Variants in VWF observed in about 807,000 individuals in gnomAD.
VWF encodes von Willebrand factor, also known as Factor VIII related antigen.
In VWF, 176 loss-of-function variants were observed where a neutral mutation model predicts 308.6. That is an observed-to-expected ratio of 0.57 (90% confidence interval 0.50 to 0.65). VWF has a LOEUF of 0.65. Among genes scored for constraint, VWF ranks in the 30% least tolerant of loss-of-function variants. VWF has a pLI of 0.00. For missense variants in VWF, 3,146 were observed against 3,648.2 expected, an observed-to-expected ratio of 0.86 and a Z score of 3.55; for synonymous variants, 1,385 against 1,443.4, an observed-to-expected ratio of 0.96 and a Z score of 0.92.
intron 31 of VWF, among the ~76,000 whole-genome samples, chr12:6,015,761 G>A (rs1591860131): frequency 6.6e-6 from 1 of 152,176 alleles, no homozygotes; most frequent in East Asian, 1.9e-4. Context: ...CCTCAGACAT[G>A]ACATTTTAGT....
At chr12:5,968,702 G>C (rs1039415143) in intron 45 of VWF, among the ~76,000 whole-genome samples, 1 of 152,290 alleles carries the variant, frequency 6.6e-6, no homozygotes. Context: ...GGCTGAGGCA[G>C]GAAAAGTGCT....
Position 5,969,350 on chromosome 12 carries a change from G to C in VWF, c.7590C>G (p.Ile2530Met), listed in dbSNP as rs369878547. 9 of 1,614,246 alleles carry C rather than the reference G, an allele frequency of 5.6e-6. No homozygotes were observed. In the African/African-American group the frequency reaches 1.1e-4, roughly 19 times the overall value. ...QWASPENPCL[I>M]NECVRVKEEV... ...CCTCCTTCACTCGGACACACTCATT[G>C]ATGAGGCAGGGGTTCTCCGGGGAGG... Residue 2530 changes from isoleucine to methionine, a missense_variant, in exon 45 of 52, where the codon ATC becomes ATG. By Grantham distance (10) the Ile-to-Met change is conservative. This residue lies in a region of VWF where 989 missense variants were observed against 1,117.4 expected (regional missense o/e 0.89). Coordinates refer to ENST00000261405, the MANE Select transcript of VWF (RefSeq NM_000552.5).
At chr12:6,081,334 T>C (rs1944907902) in intron 6 of VWF, among the ~76,000 whole-genome samples, 1 of 151,084 alleles carries the variant, frequency 6.6e-6, no homozygotes, top group Non-Finnish European at 1.5e-5. Flanking sequence ...CCAGTGGTGT[T>C]TTTTGTTTTG....
intron 29 of VWF, 47 bp downstream of exon 29, chr12:6,016,707 A>G (rs1364068982): frequency 1.9e-6 from 3 of 1,614,262 alleles, no homozygotes; most frequent in Non-Finnish European, 2.5e-6. Flanking sequence ...AGAGCCACAA[A>G]AAGAGCCTCT....
At chr12:5,960,742 A>C (rs1943304753) in intron 47 of VWF, among the ~76,000 whole-genome samples, 1 of 152,244 alleles carries the variant, frequency 6.6e-6, no homozygotes, top group Non-Finnish European at 1.5e-5. Context: ...CCATATGGTC[A>C]TCTTAAAATA....
chr12:6,003,814 C>CT (rs34433330), intron 34 of VWF, among the ~76,000 whole-genome samples: 19,686 of 122,644 alleles, frequency 0.16, 2,353 homozygotes, highest in African/African-American at 0.26. Context: ...CTTTCTCTCT[C>CT]TTTTTTTTTT....
At chr12:5,979,504 C>A (rs967581820) in intron 42 of VWF, among the ~76,000 whole-genome samples, 2 of 152,228 alleles carry the variant, frequency 1.3e-5, no homozygotes, top group African/African-American at 4.8e-5. Context: ...GTAATCCCAG[C>A]ACTTTGGGAG....
chr12:6,012,465 T>G lies in VWF; in HGVS notation c.5621-335A>C, dbSNP rs1403353519. 2.6e-5 allele frequency among the ~76,000 whole-genome samples: 4 copies of G among 152,254 alleles called. No individual in the cohort carries two copies. In the East Asian group the frequency reaches 7.7e-4, roughly 29 times the overall value. On this transcript the variant is annotated intron_variant, in intron 32 of 51. Transcript: ENST00000261405. The stretch of plus-strand genomic sequence containing the variant: ...GAGATGAAGCAAGATCCTGGAAACC[T>G]GAAAGAGATCTACTTGAAGATTCCT...
intron 6 of VWF, among the ~76,000 whole-genome samples, chr12:6,095,103 T>A (rs1216373392): frequency 6.6e-6 from 1 of 152,004 alleles, no homozygotes; most frequent in East Asian, 1.9e-4. Context: ...CGGCTTCAGG[T>A]CACAGCAAGA....
At chr12:6,080,353 C>G (rs1944896517) in intron 6 of VWF, among the ~76,000 whole-genome samples, 1 of 152,244 alleles carries the variant, frequency 6.6e-6, no homozygotes, top group South Asian at 2.1e-4. Flanking sequence ...TTCAATCTAC[C>G]TGAACCGGGT....
chr12:6,019,675 G>A lies in VWF; in HGVS notation c.3743C>T (p.Thr1248Ile). The A allele has an allele frequency of 3.1e-6, 5 of 1,613,786 alleles. No homozygotes were observed. The highest frequency in any genetic ancestry group is 1.1e-5 in the South Asian group (1 of 91,064). The change falls in exon 28 of 52, where the codon ACA becomes ATA. Residue 1248 changes from threonine (T) to isoleucine (I), a missense_variant. By Grantham distance (89) the Thr-to-Ile change is moderately conservative (BLOSUM62 -1). This residue lies in a region of VWF where 853 missense variants were observed against 1,177.8 expected (regional missense o/e 0.72). Transcript: ENST00000261405. This position sits in a 1 kb window ranked among gnomAD's most constrained non-coding sequence, Gnocchi z 5.8. Reference protein sequence around the residue: ...QEPGGLVVPPTDAPVSPTTLY... With the variant: ...QEPGGLVVPPIDAPVSPTTLY... ...AGTGGTGGGGCTCACCGGGGCATCT[G>A]TGGGAGGCACCACCAGGCCTCCCGG...
In VWF at chr12:5,991,854, T is replaced by C. The variant is rs780997211; in HGVS notation, c.6763A>G (p.Thr2255Ala). 6.2e-7 allele frequency: 1 copy of C among 1,614,204 alleles called. No individual in the cohort carries two copies. ...ACTCCATCCTCACCAATGCACTGAG[T>C]GCAGGCCTCTTCAGGGACACAGCTG... Reference protein sequence around the residue: ...EGSCVPEEACTQCIGEDGVQH... With the variant: ...EGSCVPEEACAQCIGEDGVQH... Residue 2255 changes from threonine to alanine, a missense_variant, in exon 38 of 52, where the codon ACT becomes GCT. Physicochemically the swap from Thr to Ala is moderately conservative, Grantham distance 58. Coordinates refer to ENST00000261405, the MANE Select transcript of VWF (RefSeq NM_000552.5).
At chr12:6,099,402 C>G (rs1945138129) in intron 5 of VWF, among the ~76,000 whole-genome samples, 1 of 151,740 alleles carries the variant, frequency 6.6e-6, no homozygotes, top group Non-Finnish European at 1.5e-5. Context: ...AAAAACGTCT[C>G]CCTCAATATC....
chr12:5,964,857 A>C (rs537515280), intron 47 of VWF, among the ~76,000 whole-genome samples: 1 of 152,310 alleles, frequency 6.6e-6, no homozygotes, highest in Admixed American at 6.5e-5. Flanking sequence ...GAAAAGGGAA[A>C]GGAGGCAGAA....
At chr12:5,970,691 G>A (rs1224518598) in intron 44 of VWF, among the ~76,000 whole-genome samples, 1 of 152,206 alleles carries the variant, frequency 6.6e-6, no homozygotes, top group Non-Finnish European at 1.5e-5. Flanking sequence ...GGAGGAGAAA[G>A]GCAATGGGCC....
At chr12:6,094,726 T>C (rs554765322) in intron 6 of VWF, among the ~76,000 whole-genome samples, 2 of 151,996 alleles carry the variant, frequency 1.3e-5, no homozygotes, top group African/African-American at 2.4e-5. Context: ...TCTTTTTTTT[T>C]AATTGAGACA....
At chr12:6,109,156 G>T (rs868317624) in intron 5 of VWF, among the ~76,000 whole-genome samples, 1 of 151,820 alleles carries the variant, frequency 6.6e-6, no homozygotes, top group African/African-American at 2.4e-5. Context: ...GAGGCAAGAG[G>T]ATTCCTTGAG....
At chr12:6,067,992 G>A (rs1255172846) in intron 10 of VWF, among the ~76,000 whole-genome samples, 11 of 151,816 alleles carry the variant, frequency 7.2e-5, no homozygotes, top group Admixed American at 2.0e-4. Context: ...AAAATTAGCC[G>A]GGTGTGGTGG....
chr12:5,960,828 T>C (rs1591831701), intron 47 of VWF, among the ~76,000 whole-genome samples: 1 of 152,334 alleles, frequency 6.6e-6, no homozygotes, highest in South Asian at 2.1e-4. Flanking sequence ...AGATGAGAAC[T>C]TCTTCAATAT....
Sources: allele counts gnomAD v4.1 joint callset (sites outside exome capture counted in the v4.1 genomes callset), GRCh38; gene constraint gnomAD v4.1.1; regional missense constraint gnomAD v4.1.1; non-coding constraint Gnocchi (gnomAD v3.1); transcripts MANE v1.5; gene names NCBI Gene and HGNC (gene_info 2026-07-23, HGNC 2026-07-21).